The following TM9SF4 variants were observed in gnomAD, a reference collection of about 807,000 sequenced individuals.
The protein encoded by TM9SF4 is transmembrane 9 superfamily member 4, also known as dinucleotide oxidase disulfide thiol exchanger 3 superfamily member 4.
In TM9SF4, 26 loss-of-function variants were observed where a neutral mutation model predicts 90.4. That is an observed-to-expected ratio of 0.29 (90% confidence interval 0.21 to 0.40). TM9SF4 has a LOEUF of 0.40. Ranked by LOEUF, TM9SF4 falls within the 10% of genes least tolerant of loss-of-function variation. The probability of loss-of-function intolerance (pLI) is 1.00; values close to 1 mark genes in which losing one functional copy is unlikely to be tolerated. For synonymous variants in TM9SF4, 293 were observed against 315.4 expected, an observed-to-expected ratio of 0.93 and a Z score of 0.75; for missense variants, 549 against 834.8, an observed-to-expected ratio of 0.66 and a Z score of 4.22.
chr20:32,123,864 A>AT lies in TM9SF4; in HGVS notation c.16-9148dup, dbSNP rs1251272520. On this transcript the variant is annotated intron_variant, in intron 1 of 17. Coordinates refer to ENST00000398022, the MANE Select transcript of TM9SF4 (RefSeq NM_014742.4). ...CTCTCTCATATATATATATATATAT[A>AT]TATTTTTTTTTTTAAAGAGATAGGG... Among the ~76,000 whole-genome samples the AT allele has an allele frequency of 1.7e-3, 103 of 60,196 alleles. 5 individuals are homozygous for AT. The highest frequency in any genetic ancestry group is 6.8e-3 in the African/African-American group (98 of 14,380). The allele number at this position is 60,196 out of a possible 152,430, so 39.5% of individuals were successfully genotyped here. A position where few individuals can be genotyped will look rare whatever the true frequency, so the allele number is the denominator to read the frequency against.
chr20:32,152,917 T>C (rs1033323175), intron 12 of TM9SF4, among the ~76,000 whole-genome samples: 3 of 152,220 alleles, frequency 2.0e-5, no homozygotes, highest in Non-Finnish European at 2.9e-5. Context: ...GAGCTTTTTT[T>C]CCTACCTAGC....
At chr20:32,151,212 A>G (rs1199734338) in intron 12 of TM9SF4, among the ~76,000 whole-genome samples, 2 of 152,130 alleles carry the variant, frequency 1.3e-5, no homozygotes, top group African/African-American at 4.8e-5. Flanking sequence ...CTGAGAGAAC[A>G]CCCTGAGTAA....
At chr20:32,131,653 G>A (rs1036995257) in intron 1 of TM9SF4, among the ~76,000 whole-genome samples, 1 of 152,172 alleles carries the variant, frequency 6.6e-6, no homozygotes, top group African/African-American at 2.4e-5. Flanking sequence ...AAAGGTTAGG[G>A]AGAGTAGTCA....
chr20:32,160,949 CAAAAAAAA>C (rs34767421), intron 16 of TM9SF4: 2 of 41,676 alleles, frequency 4.8e-5, no homozygotes, highest in African/African-American at 8.5e-5. Context: ...GACTCCATCT[CAAAAAAAA>C]AAAAAAAAAA....
chr20:32,132,885 C>T (rs1349047472), intron 1 of TM9SF4, 128 bp from the exon 2 acceptor site: 1 of 731,044 alleles, frequency 1.4e-6, no homozygotes, highest in Non-Finnish European at 2.2e-6. Context: ...GGTCTTCAGG[C>T]TTCATGGGTC....
At chr20:32,158,330 C>A in intron 14 of TM9SF4, 121 bp from the exon 15 acceptor site, 2 of 976,646 alleles carry the variant, frequency 2.0e-6, no homozygotes, top group Non-Finnish European at 3.2e-6. Flanking sequence ...CAGAAATATG[C>A]CAGAAGAATT....
chr20:32,151,874 T>C (rs2046846831), intron 12 of TM9SF4, among the ~76,000 whole-genome samples: 1 of 151,578 alleles, frequency 6.6e-6, no homozygotes, highest in Non-Finnish European at 1.5e-5. Flanking sequence ...TTTTTGTTTT[T>C]TTTTTTAGAC....
chr20:32,121,891 C>G (rs1319259562), intron 1 of TM9SF4, among the ~76,000 whole-genome samples: 1 of 148,474 alleles, frequency 6.7e-6, no homozygotes, highest in Non-Finnish European at 1.5e-5. Flanking sequence ...CTGACCCCCC[C>G]ACCTCCCTCC....
chr20:32,138,500 T>C lies in TM9SF4; in HGVS notation c.229+2327T>C, dbSNP rs1013671413. 3.3e-5 allele frequency among the ~76,000 whole-genome samples: 5 copies of C among 152,118 alleles called. No individual in the cohort carries two copies. The East Asian group carries it at 5.8e-4, about 18-fold the overall frequency. ...TAAATTTGTAAATCTCTACTAAAAATACAAAAATTAGCCAGGCATGGTGGT... is the reference window on the plus strand; with the variant it reads ...TAAATTTGTAAATCTCTACTAAAAACACAAAAATTAGCCAGGCATGGTGGT... On this transcript the variant is annotated intron_variant, in intron 3 of 17. Coordinates refer to ENST00000398022, the MANE Select transcript of TM9SF4 (RefSeq NM_014742.4).
At chr20:32,113,570 A>C (rs939165132) in intron 1 of TM9SF4, among the ~76,000 whole-genome samples, 7 of 150,150 alleles carry the variant, frequency 4.7e-5, no homozygotes, top group African/African-American at 1.7e-4. Flanking sequence ...TAGATGTGTC[A>C]GGAGTCTAGA....
intron 1 of TM9SF4, among the ~76,000 whole-genome samples, chr20:32,123,866 A>ATATATATTTTTTT: frequency 1.1e-5 from 1 of 93,976 alleles, no homozygotes; most frequent in Non-Finnish European, 2.0e-5. Flanking sequence ...ATATATATAT[A>ATATATATTTTTTT]TTTTTTTTTT....
At position 32,150,693 on chromosome 20, in the gene TM9SF4, A is replaced by G. The variant is rs767802347; in HGVS notation, c.1159A>G (p.Met387Val). 3.1e-6 allele frequency: 5 copies of G among 1,613,892 alleles called. No homozygotes were observed. The highest frequency in any genetic ancestry group is 2.2e-5 in the South Asian group (2 of 91,078). ...CATGACCACAGCCTGCTTCCTCTTC[A>G]TGTTCATGGGGTAGGTGTGTCTGAG... ...ALMTTACFLFMFMGVFGGFSA... is the reference protein window; with the variant it reads ...ALMTTACFLFVFMGVFGGFSA... Residue 387 changes from methionine (M) to valine (V), a missense_variant, in exon 11 of 18, where the codon ATG becomes GTG. Physicochemically the swap from Met to Val is conservative, Grantham distance 21 (BLOSUM62 1). Coordinates refer to ENST00000398022, the MANE Select transcript of TM9SF4 (RefSeq NM_014742.4).
rs1051300889 is a variant in TM9SF4 at position 32,166,743 on chromosome 20, T to TC, written c.*1300dup. On this transcript the variant is annotated 3_prime_UTR_variant, in exon 18 of 18. Transcript: ENST00000398022. ...AACCTCTGCCCACCCGTGCATGTCA[T>TC]CACAAACATTTGCTCTTAAGTTACA... The TC allele has an allele frequency of 1.3e-5, 2 of 152,248 alleles. No individual in the cohort carries two copies. The highest frequency in any genetic ancestry group is 4.8e-5 in the African/African-American group (2 of 41,448). The allele number at this position is 152,248 out of a possible 1,614,324, so 9.4% of individuals were successfully genotyped here. A position where few individuals can be genotyped will look rare whatever the true frequency, so the allele number is the denominator to read the frequency against.
chr20:32,144,271 A>G (rs1419249815), intron 6 of TM9SF4, among the ~76,000 whole-genome samples: 12 of 152,208 alleles, frequency 7.9e-5, no homozygotes, highest in Admixed American at 7.9e-4. Context: ...CACCTAGCAC[A>G]GTACCTGGCC....
intron 1 of TM9SF4, among the ~76,000 whole-genome samples, chr20:32,125,683 T>C (rs1405786147): frequency 5.4e-5 from 1 of 18,684 alleles, no homozygotes; most frequent in Non-Finnish European, 7.9e-5. Context: ...TCTTTTTTCT[T>C]TTTTTTTTTT....
At chr20:32,154,285 A>G (rs2046885468) in intron 12 of TM9SF4, among the ~76,000 whole-genome samples, 1 of 151,570 alleles carries the variant, frequency 6.6e-6, no homozygotes, top group African/African-American at 2.4e-5. Flanking sequence ...AGTAGCTGGG[A>G]CCACAGGTGC....
chr20:32,134,782 C>T (rs1377235810), intron 2 of TM9SF4, among the ~76,000 whole-genome samples: 3 of 151,928 alleles, frequency 2.0e-5, no homozygotes, highest in African/African-American at 7.3e-5. Flanking sequence ...AAGCAATTCT[C>T]CTGCCTCAGC....
chr20:32,165,266 C>T (rs550439363), intron 17 of TM9SF4, 29 bp from the exon 18 acceptor site: 2 of 1,613,608 alleles, frequency 1.2e-6, no homozygotes, highest in African/African-American at 1.3e-5. Context: ...TAAGCATGCA[C>T]CCTGTCTTCT....
chr20:32,117,760 G>A (rs887766609), intron 1 of TM9SF4, among the ~76,000 whole-genome samples: 22 of 151,732 alleles, frequency 1.4e-4, no homozygotes, highest in African/African-American at 5.3e-4. Flanking sequence ...CAGCACAAAA[G>A]GCTTCTAGAT....
Sources: allele counts gnomAD v4.1 joint callset (sites outside exome capture counted in the v4.1 genomes callset), GRCh38; gene constraint gnomAD v4.1.1; transcripts MANE v1.5; gene names NCBI Gene and HGNC (gene_info 2026-07-23, HGNC 2026-07-21).